SZT2: variants seen among roughly 807,000 people sequenced by gnomAD.
SZT2 encodes the protein SZT2 subunit of KICSTOR complex.
In SZT2, 216 loss-of-function variants were observed where a neutral mutation model predicts 404.2. That is an observed-to-expected ratio of 0.53 (90% CI 0.48 to 0.60). The LOEUF is 0.60. Among genes scored for constraint, SZT2 ranks in the 20% least tolerant of loss-of-function variants. The probability of loss-of-function intolerance (pLI) is 0.00; values close to 1 mark genes in which losing one functional copy is unlikely to be tolerated. For synonymous variants in SZT2, 1,693 were observed against 1,749.9 expected (o/e 0.97, Z 0.81); for missense variants, 3,857 against 4,459.2 (o/e 0.86, Z 3.85).
intron 62 of SZT2, chr1:43,445,645 G>A: frequency 1.0e-5 from 6 of 574,520 alleles, no homozygotes; most frequent in South Asian, 5.9e-5. Flanking sequence ...CAGTAGCAGA[G>A]GCTTAGTCTC....
chr1:43,430,081 G>C lies in SZT2; in HGVS notation c.4379G>C (p.Cys1460Ser), dbSNP rs372355354. ...TCCAATCCCCACTACTTCTTCTATTGCCCTCCATCCAGCAGGCGAGAAGTG... is the reference window on the plus strand; with the variant it reads ...TCCAATCCCCACTACTTCTTCTATTCCCCTCCATCCAGCAGGCGAGAAGTG... ...VPSNPHYFFY[C>S]PPSSRREDEG... Residue 1460 changes from cysteine (C) to serine (S), a missense_variant, in exon 30 of 72, where the codon TGC (cysteine) becomes TCC (serine). Cys to Ser is a moderately radical substitution (Grantham distance 112). Transcript: ENST00000634258. The C allele has an allele frequency of 2.2e-5, 35 of 1,613,906 alleles. No homozygotes were observed. The African/African-American group carries it at 2.7e-4, about 12-fold the overall frequency.
intron 4 of SZT2, among the ~76,000 whole-genome samples, chr1:43,407,359 C>CA (rs1298615604): frequency 2.0e-5 from 3 of 152,014 alleles, no homozygotes; most frequent in African/African-American, 2.4e-5. Context: ...ACAACAACAA[C>CA]AAAAAAATTA....
intron 1 of SZT2, among the ~76,000 whole-genome samples, chr1:43,392,271 T>C (rs1570524912): frequency 1.3e-5 from 2 of 152,304 alleles, no homozygotes; most frequent in East Asian, 3.9e-4. Flanking sequence ...TATTTTACAC[T>C]GATAGCACAT....
Position 43,451,227 on chromosome 1 carries a change from T to C in SZT2, c.*747T>C. 1.9e-6 allele frequency: 3 copies of C among 1,613,648 alleles called. No homozygotes were observed. Among genetic ancestry groups the C allele is most frequent in the African/African-American group, 1.3e-5 (1 of 75,034 alleles). On this transcript the variant is annotated 3_prime_UTR_variant, in exon 72 of 72. Transcript: ENST00000634258. ...TCGCTGTCTGGAGGCACGTGGGTGGTGTGCGGGCCCTCACTGGCCAGCCTC... is the reference window on the plus strand; with the variant it reads ...TCGCTGTCTGGAGGCACGTGGGTGGCGTGCGGGCCCTCACTGGCCAGCCTC...
At position 43,429,642 on chromosome 1, in the gene SZT2, G is replaced by A; in HGVS notation, c.4167-61G>A. ...TCCTGTGCTGCTCCCCAGTTGAGAG[G>A]CAGGCTACTTCAGAGCTTGATGGTT... On this transcript the variant is annotated intron_variant, in intron 28 of 71. Transcript: ENST00000634258. 5.0e-6 allele frequency: 8 copies of A among 1,605,848 alleles called. No homozygotes were observed. In the South Asian group the frequency reaches 5.5e-5, roughly 11 times the overall value.
chr1:43,453,760 A>G lies in SZT2; in HGVS notation c.*3280A>G, dbSNP rs1361249403. The G allele has an allele frequency of 2.3e-6, 3 of 1,316,178 alleles. No individual in the cohort carries two copies. The highest frequency in any genetic ancestry group is 4.6e-5 in the South Asian group (2 of 43,788). 81.5% of individuals were successfully genotyped at this position (1,316,178 alleles called of 1,614,324 possible). A position where few individuals can be genotyped will look rare whatever the true frequency, so the allele number is the denominator to read the frequency against. ...AGGCCGGAGAGCTCGGGGAATAGCC[A>G]GGACAGATTGGCGGAGAAGCGCAGC... is the stretch of plus-strand genomic sequence containing the variant. On this transcript the variant is annotated 3_prime_UTR_variant, in exon 72 of 72. Coordinates refer to ENST00000634258, the MANE Select transcript of SZT2 (RefSeq NM_001365999.1).
chr1:43,403,160 T>C lies in SZT2; in HGVS notation c.28-17T>C, dbSNP rs749390326. The C allele has an allele frequency of 6.2e-7, 1 of 1,613,500 alleles. No homozygotes were observed. The highest frequency in any genetic ancestry group is 8.5e-7 in the Non-Finnish European group (1 of 1,179,636). On this transcript the variant is annotated splice_polypyrimidine_tract_variant and intron_variant, in intron 1 of 71. Coordinates refer to ENST00000634258, the MANE Select transcript of SZT2 (RefSeq NM_001365999.1). Reference sequence around the variant, plus strand: ...GTGCCATTTTTTAAAGATGTATTAATGTCTCTTTGTTCCCAGGTGGAAGAA... The same window carrying C: ...GTGCCATTTTTTAAAGATGTATTAACGTCTCTTTGTTCCCAGGTGGAAGAA...
At position 43,426,370 on chromosome 1, in the gene SZT2, C is replaced by T; in HGVS notation, c.3046C>T (p.Pro1016Ser). 1 of 1,549,998 alleles carries T rather than the reference C, an allele frequency of 6.5e-7. No individual in the cohort carries two copies. Among genetic ancestry groups the T allele is most frequent in the Admixed American group, 1.9e-5 (1 of 53,808 alleles). Residue 1016 changes from proline (P) to serine (S), a missense_variant and splice_region_variant, in exon 22 of 72, where the codon CCA becomes TCA. Coordinates refer to ENST00000634258, the MANE Select transcript of SZT2 (RefSeq NM_001365999.1). This position sits in a 1 kb window ranked among gnomAD's most constrained non-coding sequence, Gnocchi z 4.9. ...QMFFLLLARE[P>S]EGVPFAEGSC... is the part of the protein sequence containing the mutation. ...TGAGCAGAGTGTGTGTCGGGCAGAGCCAGAGGGTGTCCCTTTCGCCGAGGG... is the reference window on the plus strand; with the variant it reads ...TGAGCAGAGTGTGTGTCGGGCAGAGTCAGAGGGTGTCCCTTTCGCCGAGGG...
In SZT2 at chr1:43,424,830, A is replaced by G. The variant is rs1452463823; in HGVS notation, c.2518A>G (p.Ile840Val). The G allele has an allele frequency of 1.2e-5, 19 of 1,613,946 alleles. No individual in the cohort carries two copies. Among genetic ancestry groups the G allele is most frequent in the South Asian group, 4.4e-5 (4 of 91,090 alleles). ...CCACTTCGCCTGCAGTGGGGAAGGA[A>G]TCATCAACATGGTTCTGGAGCTTCC... ...GFHFACSGEGIINMVLELPIQ... is the reference protein window; with the variant it reads ...GFHFACSGEGVINMVLELPIQ... The change falls in exon 17 of 72, where the codon ATC (isoleucine) becomes GTC (valine). Residue 840 changes from isoleucine to valine, a missense_variant. Around this residue, in one of 7 missense-constraint regions of SZT2, gnomAD observed 1,725 missense variants for 1,881.0 expected, o/e 0.92. Transcript: ENST00000634258. This position sits in a 1 kb window ranked among gnomAD's most constrained non-coding sequence, Gnocchi z 4.1.
rs758375511 is a variant in SZT2 at position 43,428,341 on chromosome 1, C to G, written c.4021C>G (p.Pro1341Ala). ...GCTACTACAAGAAATAGACATCACCCCATTTCTCCTTGCATTGTGTGGCCA... is the reference window on the plus strand; with the variant it reads ...GCTACTACAAGAAATAGACATCACCGCATTTCTCCTTGCATTGTGTGGCCA... ...EELLQEIDIT[P>A]FLLALCGHTW... Residue 1341 changes from proline to alanine, a missense_variant, in exon 28 of 72, where the codon CCA becomes GCA. Physicochemically the swap from Pro to Ala is conservative, Grantham distance 27. Around this residue, in one of 7 missense-constraint regions of SZT2, gnomAD observed 1,725 missense variants for 1,881.0 expected, o/e 0.92. Coordinates refer to ENST00000634258, the MANE Select transcript of SZT2 (RefSeq NM_001365999.1). 8.1e-6 allele frequency: 13 copies of G among 1,614,026 alleles called. No homozygotes were observed. The highest frequency in any genetic ancestry group is 1.0e-5 in the Non-Finnish European group (12 of 1,180,030).
intron 1 of SZT2, 142 bp downstream of exon 1, chr1:43,390,137 C>G: frequency 1.0e-6 from 1 of 981,252 alleles, no homozygotes; most frequent in Non-Finnish European, 1.4e-6. Flanking sequence ...CCGGAAGGCC[C>G]GACTATGGTA....
At position 43,452,878 on chromosome 1, in the gene SZT2, C is replaced by T. The variant is rs1656591438; in HGVS notation, c.*2398C>T. On this transcript the variant is annotated 3_prime_UTR_variant, in exon 72 of 72. Coordinates refer to ENST00000634258, the MANE Select transcript of SZT2 (RefSeq NM_001365999.1). ...CCAGCTCCAAGCAGACATTCCAGGC[C>T]TCCCCATCCCAACAGGCTACATACA... The T allele has an allele frequency of 1.3e-6, 2 of 1,579,646 alleles. No homozygotes were observed. The highest frequency in any genetic ancestry group is 1.4e-5 in the African/African-American group (1 of 74,020).
chr1:43,451,517 C>G lies in SZT2; in HGVS notation c.*1037C>G, dbSNP rs1557613695. 3 of 1,614,104 alleles carry G rather than the reference C, an allele frequency of 1.9e-6. No homozygotes were observed. The African/African-American group carries it at 4.0e-5, about 22-fold the overall frequency. On this transcript the variant is annotated 3_prime_UTR_variant, in exon 72 of 72. Coordinates refer to ENST00000634258, the MANE Select transcript of SZT2 (RefSeq NM_001365999.1). ...TCCGGGGCTGCTGGGCTCCCCTCGG[C>G]CTGGGACCTGTGCCACCTGCACATG...
rs763875658 is a variant in SZT2 at position 43,448,256 on chromosome 1, G to C, written c.9741G>C (p.Leu3247=). ...GLILAPGPAP[L]FPPLAAEVGM... is the part of the protein sequence containing the mutation. The stretch of plus-strand genomic sequence containing the variant: ...TTCTAGCGCCTGGACCGGCTCCTCT[G>C]TTCCCACCACTGGCTGCAGAGGTGG... The change falls in exon 69 of 72, where the codon CTG becomes CTC. Residue 3247 remains leucine (L), a synonymous_variant. Coordinates refer to ENST00000634258, the MANE Select transcript of SZT2 (RefSeq NM_001365999.1). The surrounding 1 kb of genome is among the most constrained non-coding windows in gnomAD (Gnocchi z 4.2). 2.5e-6 allele frequency: 4 copies of C among 1,580,446 alleles called. No homozygotes were observed. Among genetic ancestry groups the C allele is most frequent in the East Asian group, 4.7e-5 (2 of 42,580 alleles).
In SZT2 at chr1:43,446,389, C is replaced by G; in HGVS notation, c.9045C>G (p.Ile3015Met). ...AGTTTGCCCTGGAATGTTCCCGAATCCCAATGGGGCAGGCTGTCAACTCAC... is the reference window on the plus strand; with the variant it reads ...AGTTTGCCCTGGAATGTTCCCGAATGCCAATGGGGCAGGCTGTCAACTCAC... ...VKQFALECSRIPMGQAVNSQL... is the reference protein window; with the variant it reads ...VKQFALECSRMPMGQAVNSQL... The change falls in exon 65 of 72, where the codon ATC becomes ATG. Residue 3015 changes from isoleucine (I) to methionine (M), a missense_variant. By Grantham distance (10) the Ile-to-Met change is conservative (BLOSUM62 1). Transcript: ENST00000634258. 3.1e-6 allele frequency: 5 copies of G among 1,614,266 alleles called. No individual in the cohort carries two copies. The highest frequency in any genetic ancestry group is 3.4e-6 in the Non-Finnish European group (4 of 1,180,052).
chr1:43,446,297 C>T, intron 64 of SZT2, 38 bp downstream of exon 64: 1 of 1,613,900 alleles, frequency 6.2e-7, no homozygotes, highest in Non-Finnish European at 8.5e-7. Flanking sequence ...CAGCCAGACC[C>T]ACCTGTCTCT....
Position 43,441,806 on chromosome 1 carries a change from T to C in SZT2, c.7730T>C (p.Phe2577Ser). The stretch of plus-strand genomic sequence containing the variant: ...GCTGGAGACACCAGTGTCCGCATCT[T>C]TGAGCAGCATTTGTGAGTGTAGATC... The part of the protein sequence containing the change: ...SMAGDTSVRI[F>S]EQHLGSEPEI... Residue 2577 changes from phenylalanine to serine, a missense_variant, in exon 55 of 72, where the codon TTT (phenylalanine) becomes TCT (serine). By Grantham distance (155) the Phe-to-Ser change is radical. Transcript: ENST00000634258. This position sits in a 1 kb window ranked among gnomAD's most constrained non-coding sequence, Gnocchi z 4.8. The C allele has an allele frequency of 2.5e-6, 4 of 1,614,208 alleles. No individual in the cohort carries two copies. The highest frequency in any genetic ancestry group is 3.4e-6 in the Non-Finnish European group (4 of 1,180,046).
rs958188073 is a variant in SZT2, at chr1:43,448,505, GAAAGAGCTGGGA to G, written c.9969+22_9969+33del. ...AGCTGGTAAGGAACTGTGGGCTCCC[GAAAGAGCTGGGA>G]TAGGTGCCAGGAATTCCACTGGCAG... On this transcript the variant is annotated intron_variant, in intron 69 of 71. Coordinates refer to ENST00000634258, the MANE Select transcript of SZT2 (RefSeq NM_001365999.1). The surrounding 1 kb of genome is among the most constrained non-coding windows in gnomAD (Gnocchi z 4.2). 19 of 1,608,462 alleles carry G rather than the reference GAAAGAGCTGGGA, an allele frequency of 1.2e-5. No homozygotes were observed. The African/African-American group carries it at 1.2e-4, about 10-fold the overall frequency.
chr1:43,447,098 C>G lies in SZT2; in HGVS notation c.9216C>G (p.Thr3072=). Residue 3072 remains threonine (T), a synonymous_variant, in exon 66 of 72, where the codon ACC becomes ACG. Coordinates refer to ENST00000634258, the MANE Select transcript of SZT2 (RefSeq NM_001365999.1). Reference sequence around the variant, plus strand: ...TGCTGCGGCACGGCTACCACCTCACCACCTTTCTGCGACACTTCCTGGCCC... The same window carrying G: ...TGCTGCGGCACGGCTACCACCTCACGACCTTTCTGCGACACTTCCTGGCCC... ...HLVLRHGYHL[T]TFLRHFLAHH... 1 of 1,613,990 alleles carries G rather than the reference C, an allele frequency of 6.2e-7. No homozygotes were observed.
Sources: allele counts gnomAD v4.1 joint callset (sites outside exome capture counted in the v4.1 genomes callset), GRCh38; gene constraint gnomAD v4.1.1; regional missense constraint gnomAD v4.1.1; non-coding constraint Gnocchi (gnomAD v3.1); transcripts MANE v1.5; gene names NCBI Gene and HGNC (gene_info 2026-07-23, HGNC 2026-07-21).